Variants in RARB observed in about 807,000 individuals in gnomAD.
RARB encodes retinoic acid receptor beta, also known as HBV-activated protein.
In RARB, 17 loss-of-function variants were observed where a neutral mutation model predicts 51.9. The ratio of observed to expected loss-of-function variants is 0.33; its 90% CI spans 0.22 to 0.49. The LOEUF is 0.49. RARB is among the 20% of genes least tolerant of loss of function. RARB has a pLI of 0.99. For synonymous variants in RARB, 215 were observed against 195.4 expected, an observed-to-expected ratio of 1.10 and a Z score of -0.84; for missense variants, 369 against 550.8, an observed-to-expected ratio of 0.67 and a Z score of 3.30.
At chr3:25,420,290 C>T (rs997554417) in intron 5 of RARB, among the ~76,000 whole-genome samples, 1 of 152,164 alleles carries the variant, frequency 6.6e-6, no homozygotes, top group Admixed American at 6.5e-5. Flanking sequence ...AACTGCCCCT[C>T]TGATGTGTTT....
rs184396939 is a variant in RARB, at chr3:25,375,867, C to T, written c.179-85326C>T. On this transcript the variant is annotated intron_variant, in intron 5 of 11. Transcript: ENST00000383772. Reference sequence around the variant, plus strand: ...TGATTAGAAGCTTGGACCCTGAAGCCAGACTTCCAGGATTCAAGTTTCCAC... The same window carrying T: ...TGATTAGAAGCTTGGACCCTGAAGCTAGACTTCCAGGATTCAAGTTTCCAC... Among the ~76,000 whole-genome samples the T allele has an allele frequency of 2.0e-5, 3 of 152,262 alleles. No homozygotes were observed. In the East Asian group the frequency reaches 5.8e-4, roughly 29 times the overall value.
At chr3:25,348,145 G>A (rs1705451134) in intron 5 of RARB, among the ~76,000 whole-genome samples, 1 of 152,144 alleles carries the variant, frequency 6.6e-6, no homozygotes, top group African/African-American at 2.4e-5. Flanking sequence ...AGATCCAGCA[G>A]AGTTCCAGAG....
At chr3:25,212,640 C>T (rs1024360249) in intron 5 of RARB, among the ~76,000 whole-genome samples, 2 of 152,100 alleles carry the variant, frequency 1.3e-5, no homozygotes, top group African/African-American at 4.8e-5. Context: ...AAGTGAATCT[C>T]ATTAATTCTG....
At chr3:25,558,372 G>A (rs1172410801) in intron 3 of RARB, among the ~76,000 whole-genome samples, 2 of 152,238 alleles carry the variant, frequency 1.3e-5, no homozygotes, top group East Asian at 1.9e-4. Flanking sequence ...GCGGCTACTT[G>A]AACACTTGGC....
chr3:25,249,856 C>G (rs910013941), intron 5 of RARB, among the ~76,000 whole-genome samples: 1 of 152,168 alleles, frequency 6.6e-6, no homozygotes, highest in Non-Finnish European at 1.5e-5. Flanking sequence ...CAGCAGCAGG[C>G]TGTGTGTTCC....
At chr3:25,079,078 TAC>T (rs1442247591) in intron 3 of RARB, among the ~76,000 whole-genome samples, 2 of 152,110 alleles carry the variant, frequency 1.3e-5, no homozygotes, top group African/African-American at 2.4e-5. Flanking sequence ...CACAATATTT[TAC>T]AGTTTTCAGT....
chr3:25,557,629 C>G (rs1700113384), intron 3 of RARB, among the ~76,000 whole-genome samples: 1 of 152,148 alleles, frequency 6.6e-6, no homozygotes, highest in Non-Finnish European at 1.5e-5. Context: ...ATCTGCTATC[C>G]TGGCACTTCC....
intron 5 of RARB, among the ~76,000 whole-genome samples, chr3:25,373,214 T>C (rs2125473455): frequency 6.6e-6 from 1 of 152,286 alleles, no homozygotes; most frequent in Non-Finnish European, 1.5e-5. Flanking sequence ...GTCTTTGGCA[T>C]GTGGATGGTA....
intron 4 of RARB, among the ~76,000 whole-genome samples, chr3:25,152,847 TAAAC>T (rs1328194752): frequency 2.0e-5 from 3 of 152,176 alleles, no homozygotes; most frequent in Non-Finnish European, 4.4e-5. Flanking sequence ...TCAAAATTCA[TAAAC>T]AAAATAGGGT....
rs144864416 is a variant in RARB at position 25,549,976 on chromosome 3, A to T, written c.449-19782A>T. Among the ~76,000 whole-genome samples, 3 of 152,226 alleles carry T rather than the reference A, an allele frequency of 2.0e-5. No homozygotes were observed. The East Asian group carries it at 5.8e-4, about 29-fold the overall frequency. Reference sequence around the variant, plus strand: ...TTCTATAGACTGATGATTCTAGATGATCTCCAAGGTCCCTTCCAGCTGTAG... The same window carrying T: ...TTCTATAGACTGATGATTCTAGATGTTCTCCAAGGTCCCTTCCAGCTGTAG... On this transcript the variant is annotated intron_variant, in intron 3 of 7. Coordinates refer to ENST00000330688, the MANE Select transcript of RARB (RefSeq NM_000965.5).
chr3:25,314,832 C>A (rs1307742303), intron 5 of RARB, among the ~76,000 whole-genome samples: 3 of 152,108 alleles, frequency 2.0e-5, no homozygotes, highest in Non-Finnish European at 4.4e-5. Flanking sequence ...ATTTTTCAGT[C>A]CTTACCTGCC....
intron 4 of RARB, among the ~76,000 whole-genome samples, chr3:25,136,540 A>G (rs1473868124): frequency 6.6e-6 from 1 of 152,078 alleles, no homozygotes; most frequent in East Asian, 1.9e-4. Context: ...GTTGTAGATG[A>G]CTAGATGAAT....
intron 3 of RARB, among the ~76,000 whole-genome samples, chr3:25,561,095 A>G (rs538370644): frequency 1.3e-5 from 2 of 152,344 alleles, no homozygotes; most frequent in Non-Finnish European, 2.9e-5. Flanking sequence ...AGTTAGTACA[A>G]TAAATGACGA....
At chr3:25,313,941 T>A (rs544768565) in intron 5 of RARB, among the ~76,000 whole-genome samples, 84 of 152,070 alleles carry the variant, frequency 5.5e-4, no homozygotes, top group African/African-American at 1.9e-3. Context: ...TGTGATGGTA[T>A]GCATCTGTAG....
intron 3 of RARB, among the ~76,000 whole-genome samples, chr3:25,532,131 A>T (rs1026523147): frequency 1.8e-4 from 27 of 152,170 alleles, no homozygotes; most frequent in Admixed American, 1.5e-3. Context: ...CATTCCACTG[A>T]GGGAGGGCTG....
chr3:24,887,310 T>C (rs1703285279), intron 2 of RARB, among the ~76,000 whole-genome samples: 1 of 152,220 alleles, frequency 6.6e-6, no homozygotes, highest in Non-Finnish European at 1.5e-5. Context: ...CAATGAAAGA[T>C]TTATATCTGT....
chr3:25,073,843 T>TA (rs1698818893), intron 3 of RARB, among the ~76,000 whole-genome samples: 3 of 151,894 alleles, frequency 2.0e-5, no homozygotes, highest in African/African-American at 4.9e-5. Flanking sequence ...TTTTTTTTTT[T>TA]ATCAACTATC....
chr3:25,236,939 G>C (rs902367542), intron 5 of RARB, among the ~76,000 whole-genome samples: 27 of 151,234 alleles, frequency 1.8e-4, no homozygotes, highest in Admixed American at 1.8e-3. Context: ...TCATTATTCT[G>C]ATAATTCTGT....
rs1364462708 is a variant in RARB at position 25,146,503 on chromosome 3, G to GTTTTTTTTT, written c.-280+14298_-280+14299insTTTTTTTTT. ...CTATAATTTGCTAAGTTTTTTGTTT[G>GTTTTTTTTT]TTTGTTTGTTTTTTTTTTTTTGAGA... is the stretch of plus-strand genomic sequence containing the variant. On this transcript the variant is annotated intron_variant, in intron 4 of 11. Coordinates refer to the RARB transcript ENST00000383772. Among the ~76,000 whole-genome samples, 35 of 73,570 alleles carry GTTTTTTTTT rather than the reference G, an allele frequency of 4.8e-4. 1 individual carries two copies. The highest frequency in any genetic ancestry group is 8.4e-4 in the African/African-American group (22 of 26,096). 48.3% of individuals were successfully genotyped at this position (73,570 alleles called of 152,430 possible).
Sources: gnomAD v4.1 joint callset for allele counts (sites outside exome capture counted in the v4.1 genomes callset) on GRCh38, gnomAD v4.1.1 for gene constraint, MANE v1.5 for transcripts, NCBI Gene and HGNC (gene_info 2026-07-23, HGNC 2026-07-21) for gene names.